Variants in VPS37A observed in about 807,000 individuals in gnomAD.
VPS37A encodes vacuolar protein sorting-associated protein 37A.
In VPS37A, 30 loss-of-function variants were observed where a neutral mutation model predicts 49.8. That is an observed-to-expected ratio of 0.60 (90% CI 0.45 to 0.82). VPS37A has a LOEUF of 0.82. Among genes scored for constraint, VPS37A ranks in the 40% least tolerant of loss-of-function variants. VPS37A has a pLI of 0.00. For synonymous variants in VPS37A, 195 were observed against 160.6 expected (o/e 1.21, Z -1.62); for missense variants, 593 against 464.4 (o/e 1.28, Z -2.55).
downstream of VPS37A, chr8:17,302,070 A>C: frequency 6.4e-7 from 1 of 1,558,864 alleles, no homozygotes; most frequent in Non-Finnish European, 8.8e-7. Flanking sequence ...TTTGTATTGC[A>C]CTGAATCTTA....
chr8:17,284,121 T>A, intron 9 of VPS37A, among the ~76,000 whole-genome samples: 1 of 152,228 alleles, frequency 6.6e-6, no homozygotes, highest in East Asian at 1.9e-4. Flanking sequence ...AATGGTGGGA[T>A]TATGCAAGGG....
the VPS37A span, among the ~76,000 whole-genome samples, chr8:17,331,614 C>T: frequency 6.6e-6 from 1 of 152,146 alleles, no homozygotes; most frequent in Non-Finnish European, 1.5e-5. Flanking sequence ...CCAAGTAGTC[C>T]AATTTAATAC....
chr8:17,308,206 T>A, the VPS37A span, among the ~76,000 whole-genome samples: 3 of 152,132 alleles, frequency 2.0e-5, no homozygotes, highest in South Asian at 6.2e-4. Flanking sequence ...TATTAACGTA[T>A]TTTTTCCTTA....
chr8:17,282,652 T>C (rs1447933967), intron 9 of VPS37A, among the ~76,000 whole-genome samples: 1 of 152,096 alleles, frequency 6.6e-6, no homozygotes, highest in Non-Finnish European at 1.5e-5. Flanking sequence ...GAAATATAAA[T>C]GTCCAATAAA....
At chr8:17,279,962 A>T (rs1382400617) in intron 6 of VPS37A, 66 bp from the exon 7 acceptor site, 5 of 1,601,822 alleles carry the variant, frequency 3.1e-6, no homozygotes, top group Admixed American at 1.7e-5. Flanking sequence ...AAAAATTGTA[A>T]ATAGTTGTCA....
At chr8:17,256,462 A>G (rs981560528) in intron 1 of VPS37A, among the ~76,000 whole-genome samples, 6 of 150,878 alleles carry the variant, frequency 4.0e-5, no homozygotes, top group African/African-American at 1.5e-4. Flanking sequence ...GTTTGTTGAG[A>G]TCTTTTGCCA....
chr8:17,330,884 A>G, the VPS37A span, among the ~76,000 whole-genome samples: 5 of 152,228 alleles, frequency 3.3e-5, no homozygotes, highest in African/African-American at 1.2e-4. Flanking sequence ...GGAAGAAACA[A>G]AAACATCCCT....
chr8:17,270,746 C>T (rs1157873085), intron 4 of VPS37A, among the ~76,000 whole-genome samples: 1 of 152,092 alleles, frequency 6.6e-6, no homozygotes, highest in Non-Finnish European at 1.5e-5. Flanking sequence ...TTCCTCCTAG[C>T]CGTAAGAATT....
chr8:17,302,186 G>A, downstream of VPS37A: 1 of 1,614,100 alleles, frequency 6.2e-7, no homozygotes, highest in Non-Finnish European at 8.5e-7. Flanking sequence ...TCCTCTAGCT[G>A]CTGAGTTTCT....
chr8:17,331,053 C>T, the VPS37A span: 1 of 1,403,016 alleles, frequency 7.1e-7, no homozygotes, highest in African/African-American at 1.5e-5. Context: ...ATTATCACAC[C>T]TATGTAAAAA....
chr8:17,331,420 G>A, the VPS37A span: 1 of 875,302 alleles, frequency 1.1e-6, no homozygotes, highest in Non-Finnish European at 1.7e-6. Flanking sequence ...TTGAATCACT[G>A]CAACCTTGTA....
chr8:17,309,879 G>C, the VPS37A span, among the ~76,000 whole-genome samples: 13 of 152,190 alleles, frequency 8.5e-5, no homozygotes, highest in African/African-American at 2.4e-4. Flanking sequence ...ATGGTGTTTG[G>C]GGTATATTCA....
At chr8:17,287,408 C>T (rs934817015) in intron 11 of VPS37A, among the ~76,000 whole-genome samples, 2 of 152,130 alleles carry the variant, frequency 1.3e-5, no homozygotes, top group African/African-American at 4.8e-5. Flanking sequence ...AGCGCAGTGG[C>T]TCATGCCTGT....
At chr8:17,277,688 TAATG>T (rs1814647763) in intron 6 of VPS37A, among the ~76,000 whole-genome samples, 1 of 152,108 alleles carries the variant, frequency 6.6e-6, no homozygotes, top group Admixed American at 6.5e-5. Flanking sequence ...CTAACACAAT[TAATG>T]GTAATTCTTT....
At chr8:17,274,647 C>A in intron 4 of VPS37A, 86 bp from the exon 5 acceptor site, 2 of 1,048,326 alleles carry the variant, frequency 1.9e-6, no homozygotes, top group Non-Finnish European at 2.8e-6. Context: ...TAGTACTTGA[C>A]CTTTGTTATT....
At chr8:17,286,802 C>G (rs1013971367) in intron 11 of VPS37A, among the ~76,000 whole-genome samples, 1 of 152,180 alleles carries the variant, frequency 6.6e-6, no homozygotes. Context: ...CAGCCAGTCT[C>G]TTTCTCTATC....
At chr8:17,304,359 G>C, downstream of VPS37A, 1 of 1,605,400 alleles carries the variant, frequency 6.2e-7, no homozygotes, top group African/African-American at 1.3e-5. Context: ...TGGCTACAAA[G>C]TTACCAAGGA....
intron 1 of VPS37A, among the ~76,000 whole-genome samples, chr8:17,265,020 T>C (rs939347780): frequency 6.6e-6 from 1 of 152,192 alleles, no homozygotes; most frequent in Non-Finnish European, 1.5e-5. Context: ...GAATGGTGGC[T>C]AAAACAAGAT....
rs1816542004 is a variant in VPS37A at position 17,295,349 on chromosome 8, T to C, written c.*363T>C. The C allele has an allele frequency of 6.6e-6, 1 of 152,598 alleles. No individual in the cohort carries two copies. Among genetic ancestry groups the C allele is most frequent in the Admixed American group, 6.5e-5 (1 of 15,292 alleles). The allele number at this position is 152,598 out of a possible 1,614,324, so 9.5% of individuals were successfully genotyped here. On this transcript the variant is annotated 3_prime_UTR_variant, in exon 12 of 12. Coordinates refer to ENST00000324849, the MANE Select transcript of VPS37A (RefSeq NM_152415.3). ...ATTTTTAACTTGAAGTTCCATTTCT[T>C]TATCAAGGATGGTATTTAGATTTTT...
Sources: gnomAD v4.1 joint callset for allele counts (sites outside exome capture counted in the v4.1 genomes callset) on GRCh38, gnomAD v4.1.1 for gene constraint, MANE v1.5 for transcripts, NCBI Gene and HGNC (gene_info 2026-07-23, HGNC 2026-07-21) for gene names.